LOXHD1: variants seen among roughly 807,000 people sequenced by gnomAD.
LOXHD1 encodes the protein lipoxygenase homology domain-containing protein 1.
LOXHD1 carries 205 observed loss-of-function variants against 248.2 expected under a neutral mutation model. The ratio of observed to expected loss-of-function variants is 0.83; its 90% confidence interval spans 0.74 to 0.93. LOXHD1 has a LOEUF of 0.93. LOXHD1 is among the 40% of genes least tolerant of loss of function. LOXHD1 has a pLI of 0.00. For missense variants in LOXHD1, 2,930 were observed against 2,971.6 expected (o/e 0.99, Z 0.33); for synonymous variants, 1,113 against 1,162.8 (o/e 0.96, Z 0.87).
At chr18:46,588,090 A>G (rs2038095679) in intron 12 of LOXHD1, among the ~76,000 whole-genome samples, 1 of 152,082 alleles carries the variant, frequency 6.6e-6, no homozygotes, top group South Asian at 2.1e-4. Flanking sequence ...TACATTTCAC[A>G]CTGGTACCAG....
At chr18:46,568,197 A>G (rs2037681526) in intron 16 of LOXHD1, among the ~76,000 whole-genome samples, 1 of 152,160 alleles carries the variant, frequency 6.6e-6, no homozygotes, top group African/African-American at 2.4e-5. Flanking sequence ...AGGAAAGATG[A>G]GGTTCCAGGT....
chr18:46,491,457 C>T (rs764600147), intron 37 of LOXHD1, among the ~76,000 whole-genome samples: 3 of 152,210 alleles, frequency 2.0e-5, no homozygotes, highest in Non-Finnish European at 2.9e-5. Flanking sequence ...CGCTGCTGGT[C>T]CTAGAGCGAC....
chr18:46,584,472 G>A (rs1445415676), intron 12 of LOXHD1, among the ~76,000 whole-genome samples: 1 of 151,970 alleles, frequency 6.6e-6, no homozygotes, highest in African/African-American at 2.4e-5. Context: ...ACATAAATTT[G>A]TCTCAAAATG....
chr18:46,565,260 C>CAAA (rs56205039), intron 17 of LOXHD1, among the ~76,000 whole-genome samples: 1 of 148,708 alleles, frequency 6.7e-6, no homozygotes, highest in Non-Finnish European at 1.5e-5. Flanking sequence ...GGCTCTGTCT[C>CAAA]AAAAAAAAAA....
At chr18:46,624,569 G>A (rs1261094815) in intron 4 of LOXHD1, among the ~76,000 whole-genome samples, 1 of 152,022 alleles carries the variant, frequency 6.6e-6, no homozygotes, top group Non-Finnish European at 1.5e-5. Flanking sequence ...CTCTTCCTTC[G>A]TCAGGCCTGG....
intron 12 of LOXHD1, 39 bp from the exon 13 acceptor site, chr18:46,579,823 C>A (rs1436869976): frequency 3.3e-6 from 5 of 1,533,930 alleles, no homozygotes; most frequent in Non-Finnish European, 4.4e-6. Flanking sequence ...CTGACAGCCC[C>A]CTGCTTCCCA....
At chr18:46,594,498 T>C (rs375952375) in intron 8 of LOXHD1, 32 bp from the exon 9 acceptor site, 26 of 1,550,530 alleles carry the variant, frequency 1.7e-5, no homozygotes, top group Admixed American at 3.9e-5. Flanking sequence ...GTCTCCGGCA[T>C]TGAGTCTCCA....
At chr18:46,632,536 G>A (rs2038838897) in intron 4 of LOXHD1, among the ~76,000 whole-genome samples, 1 of 152,142 alleles carries the variant, frequency 6.6e-6, no homozygotes. Context: ...CAGTTACTCT[G>A]CCCCTTGTGT....
At chr18:46,633,362 G>C (rs1193812549) in intron 4 of LOXHD1, among the ~76,000 whole-genome samples, 2 of 152,170 alleles carry the variant, frequency 1.3e-5, no homozygotes, top group Admixed American at 6.5e-5. Context: ...TGCCAAAACT[G>C]TTCAATAAGG....
chr18:46,618,060 C>G (rs2038614268), intron 5 of LOXHD1, 132 bp downstream of exon 5: 3 of 640,480 alleles, frequency 4.7e-6, no homozygotes, highest in Non-Finnish European at 8.2e-6. Context: ...AACCACATCA[C>G]AAGAAGTGAG....
intron 1 of LOXHD1, among the ~76,000 whole-genome samples, chr18:46,651,099 G>A (rs1343334221): frequency 6.6e-6 from 1 of 152,324 alleles, no homozygotes; most frequent in East Asian, 1.9e-4. Context: ...CAGATTAGAT[G>A]TAGCTCAACT....
At chr18:46,579,910 C>G (rs1205444406) in intron 12 of LOXHD1, 126 bp from the exon 13 acceptor site, 1 of 1,138,208 alleles carries the variant, frequency 8.8e-7, no homozygotes, top group Non-Finnish European at 1.2e-6. Flanking sequence ...TGACCTTCCC[C>G]CTTCCTCCCA....
chr18:46,542,917 C>A, intron 23 of LOXHD1, 62 bp from the exon 24 acceptor site: 7 of 1,547,700 alleles, frequency 4.5e-6, no homozygotes, highest in Non-Finnish European at 6.1e-6. Context: ...CCTAGTCAGA[C>A]CCAAACCTTT....
intron 15 of LOXHD1, among the ~76,000 whole-genome samples, chr18:46,570,503 G>C (rs1038364285): frequency 6.6e-6 from 1 of 152,304 alleles, no homozygotes. Flanking sequence ...CCCTGGAGAA[G>C]GCCAGACCTG....
In LOXHD1 at chr18:46,534,347, G is replaced by A. The variant is rs1303706861; in HGVS notation, c.4200C>T (p.Leu1400=). 2.6e-6 allele frequency: 4 copies of A among 1,551,064 alleles called. No homozygotes were observed. The highest frequency in any genetic ancestry group is 3.5e-6 in the Non-Finnish European group (4 of 1,146,458). The part of the protein sequence containing the change: ...HCSHVDIRRL[L]PDKDGAETLT... ...GTCAACAACTCACGTCTTTATCCGG[G>A]AGGAGCCTGCGGATGTCCACGTGAG... Residue 1400 remains leucine (L), a synonymous_variant, in exon 27 of 41, where the codon CTC becomes CTT. Transcript: ENST00000642948.
intron 15 of LOXHD1, among the ~76,000 whole-genome samples, chr18:46,570,502 AG>A (rs1357565741): frequency 1.3e-5 from 2 of 152,226 alleles, no homozygotes; most frequent in East Asian, 3.9e-4. Flanking sequence ...GCCCTGGAGA[AG>A]GCCAGACCTG....
At chr18:46,515,088 G>C (rs1172262007) in intron 34 of LOXHD1, among the ~76,000 whole-genome samples, 2 of 152,216 alleles carry the variant, frequency 1.3e-5, no homozygotes, top group Non-Finnish European at 2.9e-5. Context: ...GAGTGGGATA[G>C]AGTGAACTGC....
intron 4 of LOXHD1, among the ~76,000 whole-genome samples, chr18:46,628,592 G>A (rs1207063937): frequency 6.6e-6 from 1 of 152,186 alleles, no homozygotes; most frequent in African/African-American, 2.4e-5. Context: ...GAACCTGCCT[G>A]GATTCCAGAG....
intron 21 of LOXHD1, among the ~76,000 whole-genome samples, chr18:46,555,791 G>C (rs1164176942): frequency 1.3e-5 from 2 of 152,012 alleles, no homozygotes; most frequent in Admixed American, 1.3e-4. Flanking sequence ...TAGACAGTCT[G>C]GAGTTCTGGT....
Sources: allele counts gnomAD v4.1 joint callset (sites outside exome capture counted in the v4.1 genomes callset), GRCh38; gene constraint gnomAD v4.1.1; transcripts MANE v1.5; gene names NCBI Gene and HGNC (gene_info 2026-07-23, HGNC 2026-07-21).